MCTP1: variants seen among roughly 807,000 people sequenced by gnomAD.
MCTP1 encodes multiple C2 and transmembrane domain containing 1.
In MCTP1, 69 loss-of-function variants were observed where a neutral mutation model predicts 120.6. The ratio of observed to expected loss-of-function variants is 0.57; its 90% CI spans 0.47 to 0.70. The LOEUF (loss-of-function observed/expected upper bound fraction) is 0.70, where lower values mean the gene tolerates loss of function less well. MCTP1 is among the 30% of genes least tolerant of loss of function. MCTP1 has a pLI of 0.00. For synonymous variants in MCTP1, 529 were observed against 493.1 expected, an observed-to-expected ratio of 1.07 and a Z score of -0.96; for missense variants, 1,203 against 1,248.8, an observed-to-expected ratio of 0.96 and a Z score of 0.55.
chr5:95,182,433 A>T (rs1349463319), intron 1 of MCTP1, among the ~76,000 whole-genome samples: 1 of 152,190 alleles, frequency 6.6e-6, no homozygotes, highest in Non-Finnish European at 1.5e-5. Context: ...CCAGAATATA[A>T]AATACTTTAA....
chr5:95,040,455 AAAG>A (rs1353783307), intron 1 of MCTP1, among the ~76,000 whole-genome samples: 1 of 150,136 alleles, frequency 6.7e-6, no homozygotes, highest in African/African-American at 2.5e-5. Flanking sequence ...AAAAAAAAAA[AAAG>A]AAAGAAATTT....
intron 1 of MCTP1, among the ~76,000 whole-genome samples, chr5:95,169,580 T>C (rs1444299400): frequency 6.6e-6 from 1 of 152,236 alleles, no homozygotes; most frequent in Non-Finnish European, 1.5e-5. Context: ...AAGAGCCTGT[T>C]ATTGGTCTAT....
intron 9 of MCTP1, among the ~76,000 whole-genome samples, chr5:94,911,657 A>T (rs1352469164): frequency 6.6e-6 from 1 of 152,270 alleles, no homozygotes; most frequent in African/African-American, 2.4e-5. Context: ...TCTTTTCTTC[A>T]TAAGTTACCC....
chr5:94,957,172 C>T (rs1192815701), intron 2 of MCTP1, among the ~76,000 whole-genome samples: 1 of 152,112 alleles, frequency 6.6e-6, no homozygotes, highest in Non-Finnish European at 1.5e-5. Context: ...AATTAAGCTT[C>T]ATAAGTGAAG....
intron 1 of MCTP1, among the ~76,000 whole-genome samples, chr5:95,107,171 G>A (rs1757142805): frequency 6.6e-6 from 1 of 152,094 alleles, no homozygotes; most frequent in Non-Finnish European, 1.5e-5. Flanking sequence ...AAATAGTTTT[G>A]TATTTTAAAT....
At chr5:95,106,266 G>A (rs377042305) in intron 1 of MCTP1, among the ~76,000 whole-genome samples, 84 of 152,304 alleles carry the variant, frequency 5.5e-4, no homozygotes, top group African/African-American at 2.0e-3. Flanking sequence ...ATACTAAACG[G>A]TTCAGACCAA....
intron 1 of MCTP1, among the ~76,000 whole-genome samples, chr5:95,274,291 G>T (rs1759636861): frequency 6.6e-6 from 1 of 152,128 alleles, no homozygotes; most frequent in South Asian, 2.1e-4. Context: ...TCAAAACTAG[G>T]AAGTGGCCGC....
intron 3 of MCTP1, among the ~76,000 whole-genome samples, chr5:94,943,366 G>T (rs1006724865): frequency 5.3e-5 from 8 of 152,074 alleles, no homozygotes; most frequent in Admixed American, 1.3e-4. Context: ...TCACACATCA[G>T]TTGTGATCAG....
At chr5:95,137,257 C>G (rs139448097) in intron 1 of MCTP1, among the ~76,000 whole-genome samples, 1 of 152,140 alleles carries the variant, frequency 6.6e-6, no homozygotes, top group Non-Finnish European at 1.5e-5. Context: ...GGATAGATTC[C>G]GCAATTGTTC....
chr5:95,262,566 T>C (rs1025255219), intron 1 of MCTP1, among the ~76,000 whole-genome samples: 2 of 152,196 alleles, frequency 1.3e-5, no homozygotes, highest in East Asian at 3.8e-4. Context: ...GGCTGTGTGC[T>C]TAGAAGATTA....
At chr5:95,048,117 ATGT>A (rs1167550815) in intron 1 of MCTP1, among the ~76,000 whole-genome samples, 7 of 152,216 alleles carry the variant, frequency 4.6e-5, no homozygotes, top group African/African-American at 1.7e-4. Context: ...ACTCTCTAAC[ATGT>A]TAGGCAAAGG....
At chr5:95,212,710 T>A (rs553314932) in intron 1 of MCTP1, among the ~76,000 whole-genome samples, 1 of 151,858 alleles carries the variant, frequency 6.6e-6, no homozygotes, top group Non-Finnish European at 1.5e-5. Context: ...TGGTTCAATA[T>A]ACACAAATCA....
intron 2 of MCTP1, among the ~76,000 whole-genome samples, chr5:94,975,952 G>A (rs768848017): frequency 4.9e-4 from 75 of 152,182 alleles, no homozygotes; most frequent in Non-Finnish European, 7.8e-4. Context: ...CTGGGTCATC[G>A]AGAAATCTTT....
At chr5:95,078,410 CT>C (rs1754147825) in intron 1 of MCTP1, among the ~76,000 whole-genome samples, 1 of 152,158 alleles carries the variant, frequency 6.6e-6, no homozygotes, top group Non-Finnish European at 1.5e-5. Context: ...AAAGGGAAAT[CT>C]TGTTGTATCA....
Position 94,888,796 on chromosome 5 carries a change from G to A in MCTP1, c.1933+83C>T, listed in dbSNP as rs915870124. On this transcript the variant is annotated intron_variant, in intron 12 of 22. Transcript: ENST00000515393. ...TATTTATTTTGATGATCCATCAGGT[G>A]AAATGCAAAGTTGAATTATTAAATG... 7.9e-6 allele frequency: 6 copies of A among 764,054 alleles called. No individual in the cohort carries two copies. The African/African-American group carries it at 1.1e-4, about 13-fold the overall frequency. 47.3% of individuals were successfully genotyped at this position (764,054 alleles called of 1,614,324 possible). A position where few individuals can be genotyped will look rare whatever the true frequency, so the allele number is the denominator to read the frequency against.
chr5:94,907,851 C>G (rs1031041519), intron 10 of MCTP1, among the ~76,000 whole-genome samples: 2 of 151,630 alleles, frequency 1.3e-5, no homozygotes, highest in African/African-American at 4.8e-5. Context: ...ATACAGGTAG[C>G]CAGAATATTT....
chr5:95,002,295 C>A (rs192616257), intron 2 of MCTP1, among the ~76,000 whole-genome samples: 1 of 152,328 alleles, frequency 6.6e-6, no homozygotes, highest in Middle Eastern at 3.4e-3. Flanking sequence ...AGAGTCCTCA[C>A]TGGGGCACTG....
intron 2 of MCTP1, among the ~76,000 whole-genome samples, chr5:94,964,476 C>T (rs988056614): frequency 2.0e-5 from 3 of 152,094 alleles, no homozygotes; most frequent in Admixed American, 1.3e-4. Context: ...TATTGTATTG[C>T]AGTCTGCCTC....
chr5:94,815,512 C>T (rs1293362414), intron 17 of MCTP1, among the ~76,000 whole-genome samples: 1 of 152,126 alleles, frequency 6.6e-6, no homozygotes, highest in Non-Finnish European at 1.5e-5. Flanking sequence ...TGACACTGGG[C>T]GAATCCAGCT....
Sources: allele counts gnomAD v4.1 joint callset (sites outside exome capture counted in the v4.1 genomes callset), GRCh38; gene constraint gnomAD v4.1.1; transcripts MANE v1.5; gene names NCBI Gene and HGNC (gene_info 2026-07-23, HGNC 2026-07-21).